The following POU6F2 variants were observed in gnomAD, a reference collection of about 807,000 sequenced individuals.
POU6F2 encodes the protein POU class 6 homeobox 2, also known as POU domain, class 6, transcription factor 2.
POU6F2 carries 31 observed loss-of-function variants against 71.3 expected under a neutral mutation model. The observed-to-expected ratio is 0.43, with a 90% CI of 0.33 to 0.59. The LOEUF is 0.59. Among genes scored for constraint, POU6F2 ranks in the 20% least tolerant of loss-of-function variants. POU6F2 has a pLI of 0.04. For missense variants in POU6F2, 783 were observed against 856.8 expected, an observed-to-expected ratio of 0.91 and a Z score of 1.07; for synonymous variants, 347 against 355.7, an observed-to-expected ratio of 0.98 and a Z score of 0.27.
chr7:39,175,230 C>T (rs1793304388), intron 2 of POU6F2, among the ~76,000 whole-genome samples: 1 of 152,208 alleles, frequency 6.6e-6, no homozygotes, highest in Admixed American at 6.5e-5. Context: ...CATACTTTAA[C>T]TCCAAGTCTT....
chr7:39,346,484 G>A (rs954805886), intron 5 of POU6F2, among the ~76,000 whole-genome samples: 1 of 152,212 alleles, frequency 6.6e-6, no homozygotes, highest in Non-Finnish European at 1.5e-5. Flanking sequence ...CTCTGATCCT[G>A]ACAGTGGGGG....
chr7:39,159,475 A>G (rs968938683), intron 2 of POU6F2, among the ~76,000 whole-genome samples: 3 of 152,210 alleles, frequency 2.0e-5, no homozygotes, highest in Non-Finnish European at 2.9e-5. Flanking sequence ...TTACACTTTT[A>G]TAGCTTTGAC....
At chr7:39,041,583 C>A (rs1207234193) in intron 1 of POU6F2, among the ~76,000 whole-genome samples, 1 of 151,848 alleles carries the variant, frequency 6.6e-6, no homozygotes, top group East Asian at 1.9e-4. Context: ...GTTTATTGGT[C>A]ATTTGAATGT....
intron 4 of POU6F2, among the ~76,000 whole-genome samples, chr7:39,283,186 C>T (rs545045528): frequency 6.6e-6 from 1 of 152,170 alleles, no homozygotes; most frequent in Admixed American, 6.5e-5. Context: ...TTGGTGGAGT[C>T]TTAAAGTTTT....
chr7:39,452,381 A>G (rs1203859027), intron 8 of POU6F2, among the ~76,000 whole-genome samples: 1 of 152,248 alleles, frequency 6.6e-6, no homozygotes, highest in African/African-American at 2.4e-5. Flanking sequence ...ACAGCATGTT[A>G]AGATGGATGG....
At chr7:39,092,059 G>A (rs777900616) in intron 2 of POU6F2, among the ~76,000 whole-genome samples, 3 of 152,180 alleles carry the variant, frequency 2.0e-5, no homozygotes, top group Admixed American at 6.5e-5. Flanking sequence ...AGAGGCAATC[G>A]GAGAAGCAGG....
At chr7:39,395,793 C>T (rs1349319119) in intron 5 of POU6F2, among the ~76,000 whole-genome samples, 2 of 152,168 alleles carry the variant, frequency 1.3e-5, no homozygotes, top group African/African-American at 4.8e-5. Flanking sequence ...AAATTAGGCA[C>T]AGGTGGGTAA....
chr7:39,145,711 T>A (rs1792607514), intron 2 of POU6F2, among the ~76,000 whole-genome samples: 1 of 152,162 alleles, frequency 6.6e-6, no homozygotes, highest in African/African-American at 2.4e-5. Flanking sequence ...TACCCCAGAC[T>A]TCTCACCCCT....
At chr7:39,301,709 T>G (rs917443467) in intron 4 of POU6F2, among the ~76,000 whole-genome samples, 5 of 152,220 alleles carry the variant, frequency 3.3e-5, no homozygotes, top group African/African-American at 1.2e-4. Flanking sequence ...AGAAAAGGGC[T>G]GAGGACAGAT....
chr7:39,001,786 G>A (rs1342691562), intron 1 of POU6F2, among the ~76,000 whole-genome samples: 1 of 152,070 alleles, frequency 6.6e-6, no homozygotes, highest in South Asian at 2.1e-4. Context: ...TAGTGATGGT[G>A]ATGTAATGAT....
At chr7:39,110,091 C>T (rs964159598) in intron 2 of POU6F2, among the ~76,000 whole-genome samples, 6 of 151,742 alleles carry the variant, frequency 4.0e-5, no homozygotes, top group Admixed American at 2.6e-4. Flanking sequence ...GCCAACACGG[C>T]GAAACCCCGT....
chr7:39,218,798 C>T (rs1794293425), intron 4 of POU6F2, among the ~76,000 whole-genome samples: 1 of 151,932 alleles, frequency 6.6e-6, no homozygotes, highest in Non-Finnish European at 1.5e-5. Flanking sequence ...AGAGGAGATC[C>T]CTACTTTAAG....
intron 5 of POU6F2, among the ~76,000 whole-genome samples, chr7:39,365,443 A>T (rs549496075): frequency 1.6e-3 from 243 of 152,348 alleles, no homozygotes; most frequent in African/African-American, 5.5e-3. Context: ...ATTCTAGTAG[A>T]TAACATTGCA....
intron 2 of POU6F2, among the ~76,000 whole-genome samples, chr7:39,108,332 A>G (rs922455440): frequency 6.7e-6 from 1 of 149,762 alleles, no homozygotes; most frequent in South Asian, 2.1e-4. Context: ...CCCAATTTCT[A>G]TCCTAGCCTG....
At chr7:39,101,297 C>T (rs138284481) in intron 2 of POU6F2, among the ~76,000 whole-genome samples, 45 of 152,264 alleles carry the variant, frequency 3.0e-4, no homozygotes, top group Admixed American at 1.2e-3. Flanking sequence ...TGGTCTCAAA[C>T]TCCTGACCTC....
intron 5 of POU6F2, among the ~76,000 whole-genome samples, chr7:39,386,602 C>G: frequency 6.6e-6 from 1 of 152,170 alleles, no homozygotes; most frequent in Admixed American, 6.5e-5. Context: ...GGCAACAGCA[C>G]AGGGACTGGA....
intron 4 of POU6F2, among the ~76,000 whole-genome samples, chr7:39,264,745 A>G (rs1234640685): frequency 6.6e-6 from 1 of 152,188 alleles, no homozygotes; most frequent in Non-Finnish European, 1.5e-5. Flanking sequence ...TTCAGAGGAT[A>G]TATGTGCAAA....
intron 4 of POU6F2, among the ~76,000 whole-genome samples, chr7:39,260,276 C>T (rs895524284): frequency 6.7e-6 from 1 of 149,994 alleles, no homozygotes; most frequent in Non-Finnish European, 1.5e-5. Context: ...ACCATGCATA[C>T]ACCACACACA....
chr7:39,418,927 A>G (rs143687477), intron 6 of POU6F2, among the ~76,000 whole-genome samples: 3 of 144,496 alleles, frequency 2.1e-5, no homozygotes, highest in South Asian at 4.3e-4. Context: ...ATATGTATAT[A>G]TGTATATATG....
Sources: allele counts gnomAD v4.1 joint callset (sites outside exome capture counted in the v4.1 genomes callset), GRCh38; gene constraint gnomAD v4.1.1; transcripts MANE v1.5; gene names NCBI Gene and HGNC (gene_info 2026-07-23, HGNC 2026-07-21).